TNR: variants seen among roughly 807,000 people sequenced by gnomAD.
The protein encoded by TNR is tenascin-R.
In TNR, 45 loss-of-function variants were observed where a neutral mutation model predicts 150.4. The observed-to-expected ratio is 0.30, with a 90% confidence interval of 0.24 to 0.38. The LOEUF is 0.38. Among genes scored for constraint, TNR ranks in the 10% least tolerant of loss-of-function variants. The probability of loss-of-function intolerance (pLI) is 1.00; values close to 1 mark genes in which losing one functional copy is unlikely to be tolerated. For synonymous variants in TNR, 687 were observed against 678.4 expected (o/e 1.01, Z -0.20); for missense variants, 1,544 against 1,759.1 (o/e 0.88, Z 2.19).
At chr1:175,387,148 C>T (rs967558069) in intron 7 of TNR, among the ~76,000 whole-genome samples, 4 of 152,126 alleles carry the variant, frequency 2.6e-5, no homozygotes, top group African/African-American at 4.8e-5. Flanking sequence ...TCTGTTCATA[C>T]TGAATTAGAT....
chr1:175,489,077 G>C lies in TNR; in HGVS notation c.-64+39192C>G, dbSNP rs185675606. Among the ~76,000 whole-genome samples, 719 of 152,288 alleles carry C rather than the reference G, an allele frequency of 4.7e-3. 7 individuals are homozygous for C. Among genetic ancestry groups the C allele is most frequent in the Middle Eastern group, 0.037 (11 of 294 alleles). On this transcript the variant is annotated intron_variant, in intron 2 of 22. Coordinates refer to ENST00000367674, the MANE Select transcript of TNR (RefSeq NM_003285.3). ...TTTACTTGTTTGCAGCTACACAATA[G>C]TTTAGATGCCCTTTCAATGCTGTAA...
At chr1:175,600,147 C>A (rs1416773524) in intron 1 of TNR, among the ~76,000 whole-genome samples, 1 of 152,136 alleles carries the variant, frequency 6.6e-6, no homozygotes, top group East Asian at 1.9e-4. Flanking sequence ...TTACTTAACT[C>A]CCTTGTGTGT....
intron 2 of TNR, among the ~76,000 whole-genome samples, chr1:175,430,976 A>G (rs1172700693): frequency 1.3e-5 from 2 of 152,166 alleles, no homozygotes; most frequent in Non-Finnish European, 2.9e-5. Flanking sequence ...CAATTTGGGC[A>G]TCCTTATGTT....
At chr1:175,457,997 T>C (rs1186731824) in intron 2 of TNR, among the ~76,000 whole-genome samples, 2 of 152,222 alleles carry the variant, frequency 1.3e-5, no homozygotes, top group African/African-American at 4.8e-5. Context: ...ATACAAATTA[T>C]TCAAAATCTC....
intron 1 of TNR, among the ~76,000 whole-genome samples, chr1:175,740,928 G>A (rs1558100173): frequency 6.6e-6 from 1 of 152,236 alleles, no homozygotes; most frequent in South Asian, 2.1e-4. Flanking sequence ...GCATGGTGAT[G>A]TGACAATCAG....
intron 1 of TNR, among the ~76,000 whole-genome samples, chr1:175,703,125 T>C (rs1016217981): frequency 6.6e-6 from 1 of 152,202 alleles, no homozygotes; most frequent in Non-Finnish European, 1.5e-5. Flanking sequence ...TTTTCTCTGA[T>C]AGGCTAATAA....
intron 20 of TNR, chr1:175,330,605 C>T: frequency 5.9e-6 from 1 of 168,766 alleles, no homozygotes; most frequent in Non-Finnish European, 1.3e-5. Flanking sequence ...GGATGTGAGC[C>T]CTTGGGCATG....
chr1:175,561,016 G>A (rs1334218592), intron 1 of TNR, among the ~76,000 whole-genome samples: 3 of 152,084 alleles, frequency 2.0e-5, no homozygotes, highest in Non-Finnish European at 2.9e-5. Flanking sequence ...CATCTTTAAC[G>A]TTCCCCAAGC....
chr1:175,503,360 T>A (rs374051745), intron 2 of TNR, among the ~76,000 whole-genome samples: 2 of 152,236 alleles, frequency 1.3e-5, no homozygotes, highest in South Asian at 4.1e-4. Flanking sequence ...ACTATTCATA[T>A]GGAAGGAATC....
At chr1:175,372,081 T>C (rs1282522272) in intron 9 of TNR, among the ~76,000 whole-genome samples, 2 of 152,066 alleles carry the variant, frequency 1.3e-5, no homozygotes, top group Non-Finnish European at 2.9e-5. Context: ...TGTTTAAAAG[T>C]GTGTGGCACC....
chr1:175,523,223 C>T (rs864163), intron 2 of TNR, among the ~76,000 whole-genome samples: 96,822 of 152,110 alleles, frequency 0.64, 31,492 homozygotes, highest in African/African-American at 0.77. Flanking sequence ...ACTTGTTTAC[C>T]ATTTCCCCAA....
chr1:175,710,022 C>T (rs1295902307), intron 1 of TNR, among the ~76,000 whole-genome samples: 2 of 152,018 alleles, frequency 1.3e-5, no homozygotes, highest in Admixed American at 6.6e-5. Context: ...CAATGAGATA[C>T]TATTGATGGG....
intron 1 of TNR, among the ~76,000 whole-genome samples, chr1:175,732,600 T>A (rs1667673440): frequency 6.6e-6 from 1 of 152,214 alleles, no homozygotes; most frequent in Non-Finnish European, 1.5e-5. Flanking sequence ...CAAACCAAGC[T>A]TATAAGGACT....
In TNR at chr1:175,365,988, T is replaced by C. The variant is rs1318227138; in HGVS notation, c.2204A>G (p.Asp735Gly). The stretch of plus-strand genomic sequence containing the variant: ...ATCTGTTAGTGTGTATGAGGTCCTG[T>C]CCTTGGGTACGGTGACTTCTGAGGC... Reference protein sequence around the residue: ...GIASEVTVPKDRTSYTLTDLE... With the variant: ...GIASEVTVPKGRTSYTLTDLE... The change falls in exon 11 of 23, where the codon GAC becomes GGC. Residue 735 changes from aspartate (D) to glycine (G), a missense_variant. Transcript: ENST00000367674. The C allele has an allele frequency of 1.2e-6, 2 of 1,614,104 alleles. No individual in the cohort carries two copies. Among genetic ancestry groups the C allele is most frequent in the African/African-American group, 1.3e-5 (1 of 75,030 alleles).
intron 2 of TNR, among the ~76,000 whole-genome samples, chr1:175,417,069 A>G (rs966766638): frequency 1.4e-5 from 2 of 139,510 alleles, no homozygotes; most frequent in Admixed American, 1.5e-4. Context: ...GAAAGAAAGA[A>G]AGAAAGAAAT....
chr1:175,519,334 TTA>T lies in TNR; in HGVS notation c.-64+8933_-64+8934del, dbSNP rs534999887. 1.1e-4 allele frequency among the ~76,000 whole-genome samples: 17 copies of T among 152,352 alleles called. 1 individual carries two copies. In the East Asian group the frequency reaches 2.9e-3, roughly 26 times the overall value. ...GGAAATTGTTTACAATTGTCCTGTG[TTA>T]TCCATTAAATTTTGAGCTCATGGTG... On this transcript the variant is annotated intron_variant, in intron 2 of 22. Coordinates refer to ENST00000367674, the MANE Select transcript of TNR (RefSeq NM_003285.3).
chr1:175,597,763 C>T (rs536545977), intron 1 of TNR, among the ~76,000 whole-genome samples: 10 of 152,192 alleles, frequency 6.6e-5, no homozygotes, highest in Non-Finnish European at 1.2e-4. Context: ...ATCCATTCAC[C>T]TCCAAGCATT....
chr1:175,335,588 T>G, intron 20 of TNR, 123 bp downstream of exon 20: 1 of 899,926 alleles, frequency 1.1e-6, no homozygotes, highest in East Asian at 2.4e-5. Context: ...TGAAAGCAAT[T>G]CAGGAGCTGT....
intron 1 of TNR, among the ~76,000 whole-genome samples, chr1:175,733,214 T>G (rs1667687324): frequency 6.6e-6 from 1 of 152,118 alleles, no homozygotes; most frequent in Non-Finnish European, 1.5e-5. Context: ...TTTCAAGGAG[T>G]GGGAACCGGG....
Sources: allele counts gnomAD v4.1 joint callset (sites outside exome capture counted in the v4.1 genomes callset), GRCh38; gene constraint gnomAD v4.1.1; transcripts MANE v1.5; gene names NCBI Gene and HGNC (gene_info 2026-07-23, HGNC 2026-07-21).